TARS2: variants seen among roughly 807,000 people sequenced by gnomAD.
TARS2 encodes threonine--tRNA ligase, mitochondrial.
Under a neutral mutation model 94.4 loss-of-function variants are expected in TARS2, and 61 were observed. The ratio of observed to expected loss-of-function variants is 0.65; its 90% CI spans 0.53 to 0.80. The LOEUF (loss-of-function observed/expected upper bound fraction) is 0.80. Among genes scored for constraint, TARS2 ranks in the 30% least tolerant of loss-of-function variants. TARS2 has a pLI of 0.00. For missense variants in TARS2, 704 were observed against 902.5 expected (o/e 0.78, Z 2.82); for synonymous variants, 359 against 353.4 (o/e 1.02, Z -0.18).
chr1:150,491,544 A>T, intron 5 of TARS2, 33 bp downstream of exon 5: 1 of 1,614,032 alleles, frequency 6.2e-7, no homozygotes, highest in South Asian at 1.1e-5. Flanking sequence ...CTCTTCCAGG[A>T]CATCTTTGTG....
rs188053552 is a variant in TARS2 at position 150,491,201 on chromosome 1, A to G, written c.513-193A>G. ...CTGCATTCAACTTTTAACTTCATGC[A>G]TAGAGCTTTTTCTCCAGCTGTAATA... On this transcript the variant is annotated intron_variant, in intron 4 of 17. Transcript: ENST00000369064. Among the ~76,000 whole-genome samples, 308 of 152,344 alleles carry G rather than the reference A, an allele frequency of 2.0e-3. 1 individual carries two copies. Among genetic ancestry groups the G allele is most frequent in the African/African-American group, 7.0e-3 (292 of 41,582 alleles).
At chr1:150,493,974 G>A (rs1669522939) in intron 7 of TARS2, among the ~76,000 whole-genome samples, 1 of 151,606 alleles carries the variant, frequency 6.6e-6, no homozygotes, top group South Asian at 2.1e-4. Context: ...AAAACCCCAT[G>A]GCGCGGTGGC....
intron 6 of TARS2, chr1:150,492,059 G>A (rs1025030258): frequency 8.1e-5 from 21 of 260,418 alleles, no homozygotes; most frequent in Non-Finnish European, 1.4e-4. Context: ...TCTGCCTCCC[G>A]GGTTCAAACA....
chr1:150,490,592 TGAACCCA>T lies in TARS2; in HGVS notation c.388-7_388-1del. ...TATGAACTTGTGAACCCCTTTTTTG[TGAACCCA>T]GGTGTTCTGGCACTCCAGCACCCAT... On this transcript the variant is annotated splice_acceptor_variant and splice_polypyrimidine_tract_variant and intron_variant, in intron 3 of 17. Coordinates refer to ENST00000369064, the MANE Select transcript of TARS2 (RefSeq NM_025150.5). LOFTEE classifies it high-confidence loss of function. 1.2e-6 allele frequency: 2 copies of T among 1,610,440 alleles called. No homozygotes were observed. The highest frequency in any genetic ancestry group is 1.3e-5 in the African/African-American group (1 of 74,680).
chr1:150,487,584 A>C, intron 1 of TARS2, 68 bp downstream of exon 1: 8 of 1,601,816 alleles, frequency 5.0e-6, no homozygotes, highest in South Asian at 1.1e-5. Flanking sequence ...CCAAATTTTT[A>C]TGTTAACCCA....
At chr1:150,502,038 G>T (rs987301878) in intron 13 of TARS2, among the ~76,000 whole-genome samples, 1 of 149,784 alleles carries the variant, frequency 6.7e-6, no homozygotes, top group African/African-American at 2.5e-5. Flanking sequence ...CCAGCCTCCC[G>T]AGTAGCTGGG....
chr1:150,499,080 T>C lies in TARS2; in HGVS notation c.1539+46T>C, dbSNP rs191149528. The C allele has an allele frequency of 2.2e-5, 36 of 1,613,640 alleles. No homozygotes were observed. In the East Asian group the frequency reaches 8.0e-4, roughly 36 times the overall value. ...TAGAGGCAGATAAACCACTCTCTGG[T>C]GGGAAGGAGTGGAGAATACAGTAAT... On this transcript the variant is annotated intron_variant, in intron 12 of 17. Coordinates refer to ENST00000369064, the MANE Select transcript of TARS2 (RefSeq NM_025150.5).
intron 7 of TARS2, among the ~76,000 whole-genome samples, chr1:150,496,000 G>A (rs898471496): frequency 6.6e-6 from 1 of 152,206 alleles, no homozygotes; most frequent in African/African-American, 2.4e-5. Flanking sequence ...GATTACAGGC[G>A]TGAGCCACCG....
In TARS2 at chr1:150,505,087, C is replaced by T. The variant is rs587709843; in HGVS notation, c.1893+109C>T. On this transcript the variant is annotated intron_variant, in intron 16 of 17. Coordinates refer to ENST00000369064, the MANE Select transcript of TARS2 (RefSeq NM_025150.5). ...GGGTGGTAGAGGAAGGAGCACAGCC[C>T]TCACAGCCACAAGACTGGGCTCGAG... The T allele has an allele frequency of 5.1e-3, 5,566 of 1,082,586 alleles. 29 individuals are homozygous for T. The highest frequency in any genetic ancestry group is 0.013 in the Middle Eastern group (61 of 4,812). 67.1% of individuals were successfully genotyped at this position (1,082,586 alleles called of 1,614,324 possible).
At chr1:150,503,665 A>ATATATGTGTG (rs1560257674) in intron 13 of TARS2, among the ~76,000 whole-genome samples, 1 of 149,526 alleles carries the variant, frequency 6.7e-6, no homozygotes, top group Non-Finnish European at 1.5e-5. Flanking sequence ...ATATGTGTGT[A>ATATATGTGTG]TATATGTGTG....
intron 13 of TARS2, among the ~76,000 whole-genome samples, chr1:150,500,141 C>T (rs1669847681): frequency 6.6e-6 from 1 of 151,970 alleles, no homozygotes; most frequent in Non-Finnish European, 1.5e-5. Flanking sequence ...CGCCCCACTG[C>T]ACTCCAGCCT....
At position 150,498,596 on chromosome 1, in the gene TARS2, C is replaced by G. The variant is rs781363069; in HGVS notation, c.1333C>G (p.Leu445Val). 1.2e-6 allele frequency: 2 copies of G among 1,612,302 alleles called. No individual in the cohort carries two copies. Among genetic ancestry groups the G allele is most frequent in the Non-Finnish European group, 1.7e-6 (2 of 1,179,506 alleles). The change falls in exon 11 of 18, where the codon CTG (leucine) becomes GTG (valine). Residue 445 changes from leucine to valine, a missense_variant. Leu to Val is a conservative substitution (Grantham distance 32). Coordinates refer to ENST00000369064, the MANE Select transcript of TARS2 (RefSeq NM_025150.5). Reference protein sequence around the residue: ...ALHRAEASGGLGGLTRLRCFQ... With the variant: ...ALHRAEASGGVGGLTRLRCFQ... ...ACACCGGGCCGAAGCCTCTGGTGGTCTGGGGGGACTGACCCGACTGCGGTG... is the reference window on the plus strand; with the variant it reads ...ACACCGGGCCGAAGCCTCTGGTGGTGTGGGGGGACTGACCCGACTGCGGTG...
At chr1:150,494,894 A>T (rs55928222) in intron 7 of TARS2, among the ~76,000 whole-genome samples, 6 of 151,150 alleles carry the variant, frequency 4.0e-5, no homozygotes, top group Non-Finnish European at 5.9e-5. Context: ...AAAATTAGCC[A>T]GGTGTGGCCG....
chr1:150,505,815 A>C, intron 17 of TARS2, 110 bp downstream of exon 17: 1 of 953,460 alleles, frequency 1.0e-6, no homozygotes, highest in Non-Finnish European at 1.6e-6. Context: ...TCATTACCTG[A>C]GCAGGTAGGA....
At chr1:150,503,818 G>A (rs888573311) in intron 13 of TARS2, among the ~76,000 whole-genome samples, 3 of 150,074 alleles carry the variant, frequency 2.0e-5, no homozygotes, top group Non-Finnish European at 3.0e-5. Flanking sequence ...CAGGAGAGTC[G>A]CTTGAACCCG....
rs139360997 is a variant in TARS2 at position 150,498,534 on chromosome 1, G to A, written c.1271G>A (p.Arg424Gln). The A allele has an allele frequency of 5.9e-5, 94 of 1,598,106 alleles. No individual in the cohort carries two copies. The highest frequency in any genetic ancestry group is 1.3e-4 in the East Asian group (6 of 44,732). The stretch of plus-strand genomic sequence containing the variant: ...TTCGCCCACCGGCCCAGATCCTGGC[G>A]GGAACTGCCCCTGCGACTAGCTGAC... ...LMFAHRPRSW[R>Q]ELPLRLADFG... The change falls in exon 11 of 18, where the codon CGG (arginine) becomes CAG (glutamine). Residue 424 changes from arginine to glutamine, a missense_variant. Coordinates refer to ENST00000369064, the MANE Select transcript of TARS2 (RefSeq NM_025150.5).
At chr1:150,498,753 CT>C in intron 11 of TARS2, 89 bp downstream of exon 11, 3 of 1,606,262 alleles carry the variant, frequency 1.9e-6, no homozygotes, top group Non-Finnish European at 2.6e-6. Flanking sequence ...TATTTGCCCC[CT>C]GTATGTACTA....
intron 17 of TARS2, among the ~76,000 whole-genome samples, chr1:150,506,424 T>C (rs1406444371): frequency 6.6e-6 from 1 of 151,518 alleles, no homozygotes; most frequent in African/African-American, 2.4e-5. Flanking sequence ...CGGGGCAGTG[T>C]GAAGGCCACA....
Position 150,503,585 on chromosome 1 carries a change from A to ATG in TARS2, c.1618-734_1618-733dup, listed in dbSNP as rs1180611628. ...TGTGTGTGTGTGTGTGTGTATATAT[A>ATG]TGTGTGTGTGTGTGTGTATGTGTGT... On this transcript the variant is annotated intron_variant, in intron 13 of 17. Transcript: ENST00000369064. 4.8e-3 allele frequency among the ~76,000 whole-genome samples: 658 copies of ATG among 137,162 alleles called. 12 individuals are homozygous for ATG. The highest frequency in any genetic ancestry group is 0.012 in the African/African-American group (408 of 34,644). 90.0% of individuals were successfully genotyped at this position (137,162 alleles called of 152,430 possible).
Sources: allele counts gnomAD v4.1 joint callset (sites outside exome capture counted in the v4.1 genomes callset), GRCh38; gene constraint gnomAD v4.1.1; transcripts MANE v1.5; gene names NCBI Gene and HGNC (gene_info 2026-07-23, HGNC 2026-07-21).